ADAM9: variants seen among roughly 807,000 people sequenced by gnomAD.
ADAM9 encodes the protein disintegrin and metalloproteinase domain-containing protein 9.
ADAM9 carries 54 observed loss-of-function variants against 108.1 expected under a neutral mutation model. That is an observed-to-expected ratio of 0.50 (90% confidence interval 0.40 to 0.63). ADAM9 has a LOEUF of 0.63. Among genes scored for constraint, ADAM9 ranks in the 20% least tolerant of loss-of-function variants. The probability of loss-of-function intolerance (pLI) is 0.00; values close to 1 mark genes in which losing one functional copy is unlikely to be tolerated. For synonymous variants in ADAM9, 316 were observed against 336.0 expected (o/e 0.94, Z 0.65); for missense variants, 830 against 997.7 (o/e 0.83, Z 2.26).
intron 11 of ADAM9, among the ~76,000 whole-genome samples, chr8:39,032,426 C>T (rs1158830371): frequency 6.6e-6 from 1 of 152,280 alleles, no homozygotes; most frequent in African/African-American, 2.4e-5. Flanking sequence ...GTCAATCTGC[C>T]TGCTGCCCTA....
At chr8:39,060,221 C>G (rs1055311595) in intron 14 of ADAM9, among the ~76,000 whole-genome samples, 9 of 152,192 alleles carry the variant, frequency 5.9e-5, no homozygotes, top group Admixed American at 1.3e-4. Context: ...CTCCAAAATC[C>G]TAAATGCCTG....
At chr8:39,024,824 T>G (rs902138762) in intron 9 of ADAM9, among the ~76,000 whole-genome samples, 17 of 152,090 alleles carry the variant, frequency 1.1e-4, no homozygotes, top group African/African-American at 4.1e-4. Flanking sequence ...AGGAGAAAAA[T>G]AAAACGGGAG....
intron 10 of ADAM9, among the ~76,000 whole-genome samples, chr8:39,026,352 C>T (rs1836921328): frequency 6.6e-6 from 1 of 152,096 alleles, no homozygotes; most frequent in Non-Finnish European, 1.5e-5. Context: ...TAGCTCTTTA[C>T]TTTTTATGGG....
chr8:39,085,676 G>A (rs946372833), intron 18 of ADAM9, among the ~76,000 whole-genome samples: 3 of 152,028 alleles, frequency 2.0e-5, no homozygotes, highest in African/African-American at 7.2e-5. Flanking sequence ...TGTTTTTCCT[G>A]AAAAATCTGC....
chr8:39,046,879 G>A (rs751346186), intron 12 of ADAM9, among the ~76,000 whole-genome samples: 5 of 151,692 alleles, frequency 3.3e-5, no homozygotes, highest in African/African-American at 9.7e-5. Context: ...AGTGATCCTC[G>A]TGCCTCAGCC....
intron 16 of ADAM9, among the ~76,000 whole-genome samples, chr8:39,081,822 G>C (rs753352635): frequency 5.3e-5 from 8 of 152,130 alleles, no homozygotes; most frequent in Non-Finnish European, 7.4e-5. Context: ...CAGTTGGTTA[G>C]TTACCTAATA....
intron 14 of ADAM9, 144 bp from the exon 15 acceptor site, chr8:39,071,154 G>A (rs1838673460): frequency 3.1e-6 from 2 of 650,026 alleles, no homozygotes; most frequent in African/African-American, 1.8e-5. Context: ...TGTATCATGT[G>A]TGAGGCAGGA....
chr8:39,099,809 C>G (rs1047223879), intron 20 of ADAM9, among the ~76,000 whole-genome samples: 36 of 149,658 alleles, frequency 2.4e-4, no homozygotes, highest in African/African-American at 6.9e-4. Context: ...TAATCTTTAG[C>G]TTGTTTTCAT....
Position 38,997,003 on chromosome 8 carries a change from G to C in ADAM9, c.-61G>C. On this transcript the variant is annotated 5_prime_UTR_variant, in exon 1 of 22. The change abolishes an upstream ATG in the 5' untranslated region. Coordinates refer to ENST00000487273, the MANE Select transcript of ADAM9 (RefSeq NM_003816.3). ...TGGGGCCCCGGCAGGGTTGGAAAATGATGGAAGAGGCGGAGGTGGAGGCGA... is the reference window on the plus strand; with the variant it reads ...TGGGGCCCCGGCAGGGTTGGAAAATCATGGAAGAGGCGGAGGTGGAGGCGA... The C allele has an allele frequency of 1.3e-6, 2 of 1,576,202 alleles. No individual in the cohort carries two copies. The highest frequency in any genetic ancestry group is 1.7e-6 in the Non-Finnish European group (2 of 1,166,560).
chr8:39,072,068 A>C (rs1016595794), intron 15 of ADAM9, among the ~76,000 whole-genome samples: 5 of 152,196 alleles, frequency 3.3e-5, no homozygotes, highest in African/African-American at 1.2e-4. Flanking sequence ...TCTGAACTTC[A>C]TTATTTTCTT....
chr8:39,054,602 G>GAAAAAAAAAAAAAAAAAAAAAAAAAA, intron 13 of ADAM9, 29 bp downstream of exon 13: 1 of 944,768 alleles, frequency 1.1e-6, no homozygotes, highest in African/African-American at 2.0e-5. Context: ...TTGGAAACAG[G>GAAAAAAAAAAAAAAAAAAAAAAAAAA]AAAAAAAAAA....
At chr8:39,103,540 T>C in intron 21 of ADAM9, 67 bp from the exon 22 acceptor site, 1 of 1,441,458 alleles carries the variant, frequency 6.9e-7, no homozygotes, top group Non-Finnish European at 9.8e-7. Flanking sequence ...ATGTTGAGCT[T>C]GTAATGAATA....
intron 12 of ADAM9, among the ~76,000 whole-genome samples, chr8:39,045,044 A>ATG (rs1172505858): frequency 1.8e-5 from 1 of 55,420 alleles, no homozygotes; most frequent in Non-Finnish European, 3.5e-5. Context: ...ATACATATGT[A>ATG]TGTGTATGTG....
At chr8:39,055,460 T>C in intron 13 of ADAM9, 117 bp from the exon 14 acceptor site, 1 of 1,037,926 alleles carries the variant, frequency 9.6e-7, no homozygotes, top group Non-Finnish European at 1.5e-6. Flanking sequence ...TGTTGGGTTA[T>C]TTAATCTTTT....
intron 20 of ADAM9, among the ~76,000 whole-genome samples, chr8:39,093,914 C>T (rs1370220412): frequency 6.6e-6 from 1 of 152,188 alleles, no homozygotes; most frequent in African/African-American, 2.4e-5. Context: ...GGATTACAGG[C>T]ATGTGCCACC....
chr8:39,013,136 C>G (rs1017478453), intron 3 of ADAM9, among the ~76,000 whole-genome samples: 1 of 152,088 alleles, frequency 6.6e-6, no homozygotes, highest in African/African-American at 2.4e-5. Flanking sequence ...TGCTTGATGC[C>G]ACTGAACCTC....
intron 20 of ADAM9, among the ~76,000 whole-genome samples, chr8:39,092,744 T>A (rs1446673236): frequency 1.3e-5 from 2 of 152,148 alleles, no homozygotes; most frequent in Non-Finnish European, 2.9e-5. Flanking sequence ...TAGTTTCAGG[T>A]CTTATGTTTA....
chr8:39,042,677 T>C (rs1458813684), intron 12 of ADAM9, among the ~76,000 whole-genome samples: 1 of 152,232 alleles, frequency 6.6e-6, no homozygotes, highest in East Asian at 1.9e-4. Context: ...CTTTTTAGAC[T>C]ATTCTGTTCA....
intron 7 of ADAM9, among the ~76,000 whole-genome samples, chr8:39,020,523 T>A (rs1836702878): frequency 6.6e-6 from 1 of 152,240 alleles, no homozygotes; most frequent in Non-Finnish European, 1.5e-5. Context: ...AAATTGGTTA[T>A]ATAAATTAAT....
Sources: allele counts gnomAD v4.1 joint callset (sites outside exome capture counted in the v4.1 genomes callset), GRCh38; gene constraint gnomAD v4.1.1; transcripts MANE v1.5; gene names NCBI Gene and HGNC (gene_info 2026-07-23, HGNC 2026-07-21).